LMLN: variants seen among roughly 807,000 people sequenced by gnomAD.
The protein encoded by LMLN is leishmanolysin like peptidase, also known as leishmanolysin-like peptidase.
LMLN carries 70 observed loss-of-function variants against 92.3 expected under a neutral mutation model. That is an observed-to-expected ratio of 0.76 (90% CI 0.63 to 0.92). The LOEUF (loss-of-function observed/expected upper bound fraction) is 0.92, where lower values mean the gene tolerates loss of function less well. Ranked by LOEUF, LMLN falls within the 40% of genes least tolerant of loss-of-function variation. The pLI, the probability that LMLN is intolerant of heterozygous loss-of-function variation, is 0.00. For missense variants in LMLN, 691 were observed against 814.6 expected, an observed-to-expected ratio of 0.85 and a Z score of 1.85; for synonymous variants, 308 against 296.2, an observed-to-expected ratio of 1.04 and a Z score of -0.41.
intron 1 of LMLN, among the ~76,000 whole-genome samples, chr3:197,962,516 C>T (rs1581122723): frequency 6.6e-6 from 1 of 152,230 alleles, no homozygotes; most frequent in Non-Finnish European, 1.5e-5. Context: ...ATTACTGGGT[C>T]AAGGGTAGGT....
chr3:197,994,044 G>T (rs1180206798), intron 9 of LMLN, among the ~76,000 whole-genome samples: 1 of 152,158 alleles, frequency 6.6e-6, no homozygotes, highest in Non-Finnish European at 1.5e-5. Context: ...AATAAATGGT[G>T]TTGGGAGAAC....
intron 10 of LMLN, 69 bp downstream of exon 10, chr3:197,996,351 T>C (rs1303531262): frequency 1.5e-5 from 15 of 1,029,750 alleles, no homozygotes; most frequent in East Asian, 5.5e-5. Context: ...GTAAAACTTA[T>C]TCAAGCAGGT....
intron 6 of LMLN, among the ~76,000 whole-genome samples, chr3:197,982,630 G>A (rs1721592453): frequency 6.6e-6 from 1 of 152,202 alleles, no homozygotes; most frequent in African/African-American, 2.4e-5. Context: ...GGTAAACAAA[G>A]TATAGATGTG....
Position 198,025,795 on chromosome 3 carries a change from A to G in LMLN, c.1656+1007A>G, listed in dbSNP as rs1482651029. Among the ~76,000 whole-genome samples the G allele has an allele frequency of 6.6e-6, 1 of 152,210 alleles. No homozygotes were observed. The highest frequency in any genetic ancestry group is 2.4e-5 in the African/African-American group (1 of 41,448). On this transcript the variant is annotated intron_variant, in intron 14 of 15. Coordinates refer to ENST00000330198, the Ensembl canonical transcript of LMLN. This position sits in a 1 kb window ranked among gnomAD's most constrained non-coding sequence, Gnocchi z 4.3. ...CAATGGAATGAATCTTCTGCACCCT[A>G]CAAATGGATGTCAGGGAGGACAGCG... is the stretch of plus-strand genomic sequence containing the variant.
At chr3:197,996,217 A>G in exon 10 of LMLN, 8 of 1,606,564 alleles carry the variant, frequency 5.0e-6, no homozygotes, top group Non-Finnish European at 6.8e-6. Context: ...TCTAGAGGGA[A>G]TGGAACTTGA....
At chr3:198,023,456 T>A (rs1466491613) in intron 13 of LMLN, among the ~76,000 whole-genome samples, 1 of 152,140 alleles carries the variant, frequency 6.6e-6, no homozygotes, top group Non-Finnish European at 1.5e-5. Context: ...CCCAAAGTGT[T>A]GAAATTATAG....
chr3:198,036,124 C>A (rs1211595891), intron 15 of LMLN, 81 bp downstream of exon 16: 12 of 1,253,564 alleles, frequency 9.6e-6, no homozygotes, highest in East Asian at 7.0e-5. Flanking sequence ...CATTTCCCTT[C>A]AAGGAAGCTC....
chr3:197,977,971 T>C (rs1287106026), intron 5 of LMLN, among the ~76,000 whole-genome samples: 2 of 151,812 alleles, frequency 1.3e-5, no homozygotes, highest in Admixed American at 6.6e-5. Context: ...ATAAAAATTA[T>C]CAAACAATCT....
At chr3:197,976,531 A>G (rs1013214643) in intron 4 of LMLN, 67 bp from the exon 5 acceptor site, 4 of 863,934 alleles carry the variant, frequency 4.6e-6, no homozygotes, top group Middle Eastern at 2.5e-4. Context: ...GTTGGTTTCC[A>G]TGTTTTTAAC....
At chr3:198,026,392 C>A (rs1237084754) in intron 14 of LMLN, among the ~76,000 whole-genome samples, 5 of 152,124 alleles carry the variant, frequency 3.3e-5, no homozygotes, top group Non-Finnish European at 7.3e-5. Flanking sequence ...GATCTCAGCT[C>A]TCTGCAACCT....
chr3:198,012,595 G>A (rs962803568), intron 11 of LMLN, among the ~76,000 whole-genome samples: 1 of 96,124 alleles, frequency 1.0e-5, no homozygotes, highest in African/African-American at 3.9e-5. Context: ...GCCTCCTAAC[G>A]AGTCTGACTT....
At chr3:197,962,164 C>T (rs951204374) in intron 1 of LMLN, among the ~76,000 whole-genome samples, 5 of 151,908 alleles carry the variant, frequency 3.3e-5, no homozygotes, top group Non-Finnish European at 5.9e-5. Flanking sequence ...AACTAGTTTT[C>T]TAATTGTTTT....
At chr3:198,012,253 C>T (rs188897952) in intron 11 of LMLN, among the ~76,000 whole-genome samples, 219 of 152,096 alleles carry the variant, frequency 1.4e-3, no homozygotes, top group African/African-American at 4.6e-3. Context: ...GTAGTAGAGA[C>T]GGGGTTTCAT....
intron 8 of LMLN, among the ~76,000 whole-genome samples, chr3:197,987,029 G>T (rs532606981): frequency 6.7e-6 from 1 of 150,332 alleles, no homozygotes; most frequent in Non-Finnish European, 1.5e-5. Flanking sequence ...TAGTAGAGAC[G>T]GGGTTTCACC....
intron 12 of LMLN, among the ~76,000 whole-genome samples, chr3:198,020,999 A>G (rs901543555): frequency 1.3e-5 from 2 of 151,870 alleles, no homozygotes; most frequent in African/African-American, 4.8e-5. Context: ...AGTATATTAT[A>G]TATATGATCT....
At chr3:198,029,831 AT>A (rs1311270895) in intron 14 of LMLN, among the ~76,000 whole-genome samples, 6 of 150,686 alleles carry the variant, frequency 4.0e-5, no homozygotes, top group East Asian at 1.9e-4. Context: ...TTGCTTTCTT[AT>A]TTTTTTTTAT....
intron 10 of LMLN, 63 bp from the exon 11 acceptor site, chr3:197,999,203 T>C: frequency 8.9e-7 from 1 of 1,125,356 alleles, no homozygotes; most frequent in Admixed American, 1.7e-5. Flanking sequence ...ATCAGAGGAA[T>C]TGCAGAAAAT....
intron 3 of LMLN, 22 bp downstream of exon 3, chr3:197,975,094 C>T: frequency 7.5e-7 from 1 of 1,339,656 alleles, no homozygotes; most frequent in Non-Finnish European, 1.1e-6. Context: ...ATACTCATAA[C>T]TTGAATTGGA....
At chr3:197,981,710 A>T (rs1721561672) in intron 6 of LMLN, among the ~76,000 whole-genome samples, 1 of 152,220 alleles carries the variant, frequency 6.6e-6, no homozygotes, top group Non-Finnish European at 1.5e-5. Flanking sequence ...AGAAATTGCC[A>T]TATGTCTCAG....
Sources: gnomAD v4.1 joint callset for allele counts (sites outside exome capture counted in the v4.1 genomes callset) on GRCh38, gnomAD v4.1.1 for gene constraint, Gnocchi (gnomAD v3.1) non-coding constraint, MANE v1.5 for transcripts, NCBI Gene and HGNC (gene_info 2026-07-23, HGNC 2026-07-21) for gene names.